The following NEK9 variants were observed in gnomAD, a reference collection of about 807,000 sequenced individuals.
NEK9 encodes the protein NIMA related kinase 9, also known as serine/threonine-protein kinase Nek9.
In NEK9, 75 loss-of-function variants were observed where a neutral mutation model predicts 123.4. The ratio of observed to expected loss-of-function variants is 0.61; its 90% CI spans 0.50 to 0.74. The LOEUF (loss-of-function observed/expected upper bound fraction) is 0.74. Among genes scored for constraint, NEK9 ranks in the 30% least tolerant of loss-of-function variants. The pLI, the probability that NEK9 is intolerant of heterozygous loss-of-function variation, is 0.00. For synonymous variants in NEK9, 438 were observed against 458.7 expected, an observed-to-expected ratio of 0.95 and a Z score of 0.58; for missense variants, 952 against 1,214.4, an observed-to-expected ratio of 0.78 and a Z score of 3.21.
intron 19 of NEK9, 151 bp downstream of exon 19, chr14:75,091,119 C>T: frequency 1.8e-6 from 1 of 565,442 alleles, no homozygotes. Flanking sequence ...AGTGATTAGG[C>T]AATTTCTTTC....
intron 15 of NEK9, 22 bp downstream of exon 15, chr14:75,101,635 A>G (rs1413676776): frequency 6.6e-6 from 10 of 1,526,354 alleles, no homozygotes; most frequent in Non-Finnish European, 8.2e-6. Flanking sequence ...AAGGCATGTG[A>G]TACAGTTGTA....
At position 75,121,135 on chromosome 14, in the gene NEK9, T is replaced by C. The variant is rs750326574; in HGVS notation, c.437A>G (p.Lys146Arg). The C allele has an allele frequency of 9.9e-6, 16 of 1,613,184 alleles. No homozygotes were observed. Among genetic ancestry groups the C allele is most frequent in the African/African-American group, 1.3e-5 (1 of 75,050 alleles). The change falls in exon 3 of 22, where the codon AAG becomes AGG. Residue 146 changes from lysine (K) to arginine (R), a missense_variant. Lys to Arg is a conservative substitution (Grantham distance 26). Coordinates refer to ENST00000238616, the MANE Select transcript of NEK9 (RefSeq NM_033116.6). ...LYDKILRQKD[K>R]LFEEEMVVWY... ...ATGAATTACCTCTTCCTCAAACAAC[T>C]TGTCCTTCTGACGAAGGATTTTGTC... is the stretch of plus-strand genomic sequence containing the variant.
chr14:75,098,549 C>G (rs1894464025), intron 16 of NEK9, among the ~76,000 whole-genome samples: 1 of 152,102 alleles, frequency 6.6e-6, no homozygotes, highest in Non-Finnish European at 1.5e-5. Context: ...GACAAGTGAG[C>G]CTTGGGGTAC....
intron 18 of NEK9, 139 bp from the exon 19 acceptor site, chr14:75,091,617 G>T: frequency 8.0e-6 from 5 of 623,280 alleles, no homozygotes; most frequent in South Asian, 4.1e-5. Flanking sequence ...CAAATGTTAG[G>T]GACTAAATTT....
At position 75,106,716 on chromosome 14, in the gene NEK9, GAA is replaced by G. The variant is rs776448844; in HGVS notation, c.1328-16_1328-15del. ...GCTGACCCTCATCTGCAAAAGAAAG[GAA>G]AACAGAATCCATCAAAGGACTGACT... On this transcript the variant is annotated splice_polypyrimidine_tract_variant and intron_variant, in intron 11 of 21. Transcript: ENST00000238616. 6.2e-6 allele frequency: 10 copies of G among 1,600,538 alleles called. No individual in the cohort carries two copies. Among genetic ancestry groups the G allele is most frequent in the Non-Finnish European group, 8.5e-6 (10 of 1,171,360 alleles).
At chr14:75,120,398 G>A (rs1895286165) in intron 4 of NEK9, 112 bp downstream of exon 4, 1 of 649,006 alleles carries the variant, frequency 1.5e-6, no homozygotes, top group East Asian at 2.8e-5. Flanking sequence ...GATATCAATG[G>A]AAAAACTCTT....
rs1895551286 is a variant in NEK9 at position 75,126,835 on chromosome 14, A to G, written c.87T>C (p.Ser29=). ...GSESGGCGDS[S]PGPSASQGPR... ...GCCCCTGACTGGCGCTAGGCCCCGG[A>G]CTCGAGTCCCCGCAACCCCCGGACT... The change falls in exon 1 of 22, where the codon AGT becomes AGC. Residue 29 remains serine (S), a synonymous_variant. Transcript: ENST00000238616. 6.5e-7 allele frequency: 1 copy of G among 1,533,372 alleles called. No homozygotes were observed. Among genetic ancestry groups the G allele is most frequent in the Non-Finnish European group, 8.8e-7 (1 of 1,140,512 alleles). The allele number at this position is 1,533,372 out of a possible 1,614,324, so 95.0% of individuals were successfully genotyped here. A position where few individuals can be genotyped will look rare whatever the true frequency, so the allele number is the denominator to read the frequency against.
intron 10 of NEK9, 150 bp from the exon 11 acceptor site, chr14:75,107,637 G>C: frequency 1.0e-5 from 6 of 578,562 alleles, no homozygotes; most frequent in Non-Finnish European, 1.7e-5. Flanking sequence ...CCAAAGTGCT[G>C]GGATTGTAGA....
intron 19 of NEK9, among the ~76,000 whole-genome samples, chr14:75,090,442 G>C (rs774286167): frequency 1.3e-5 from 2 of 151,964 alleles, no homozygotes; most frequent in African/African-American, 2.4e-5. Flanking sequence ...TAGTCTTGTT[G>C]ACATTCTTTT....
intron 20 of NEK9, 99 bp from the exon 21 acceptor site, chr14:75,087,329 T>A: frequency 3.6e-6 from 3 of 823,396 alleles, no homozygotes; most frequent in Non-Finnish European, 5.8e-6. Flanking sequence ...ACTTTTAAAT[T>A]AACAAGATAA....
chr14:75,098,440 TTGAGGAGCTG>T (rs1412974475), intron 16 of NEK9, among the ~76,000 whole-genome samples: 14 of 152,208 alleles, frequency 9.2e-5, no homozygotes, highest in African/African-American at 3.4e-4. Flanking sequence ...AGACATCAAG[TTGAGGAGCTG>T]TTGAATAAAT....
chr14:75,104,045 T>C (rs1894682520), intron 13 of NEK9, 48 bp from the exon 14 acceptor site: 2 of 1,543,944 alleles, frequency 1.3e-6, no homozygotes, highest in Middle Eastern at 1.7e-4. Flanking sequence ...ATAATTCGTA[T>C]TAGAAAAAAA....
In NEK9 at chr14:75,083,954, C is replaced by A. The variant is rs1158859401; in HGVS notation, c.*610G>T. 6.6e-6 allele frequency: 1 copy of A among 152,598 alleles called. No homozygotes were observed. 9.5% of individuals were successfully genotyped at this position (152,598 alleles called of 1,614,324 possible). ...CCCTCAGAGGAAAAGCAACCTAAGC[C>A]TACCTTTCCTCCTAAAGCATTTAGC... is the stretch of plus-strand genomic sequence containing the variant. On this transcript the variant is annotated 3_prime_UTR_variant, in exon 22 of 22. Transcript: ENST00000238616.
intron 10 of NEK9, 54 bp downstream of exon 10, chr14:75,109,631 C>T: frequency 1.3e-6 from 2 of 1,509,354 alleles, no homozygotes; most frequent in African/African-American, 1.4e-5. Flanking sequence ...CATCGTGGGC[C>T]CAGTAAACAA....
rs1209667074 is a variant in NEK9, at chr14:75,110,012, C to A, written c.990-135G>T. 5 of 917,182 alleles carry A rather than the reference C, an allele frequency of 5.5e-6. No individual in the cohort carries two copies. In the African/African-American group the frequency reaches 8.4e-5, roughly 15 times the overall value. The allele number at this position is 917,182 out of a possible 1,614,324, so 56.8% of individuals were successfully genotyped here. A position where few individuals can be genotyped will look rare whatever the true frequency, so the allele number is the denominator to read the frequency against. ...TATGTTCTTTCTCGACAACTTGTTT[C>A]AATGTGCTCTATCACAGCAGACTTT... On this transcript the variant is annotated intron_variant, in intron 9 of 21. Coordinates refer to ENST00000238616, the MANE Select transcript of NEK9 (RefSeq NM_033116.6).
intron 10 of NEK9, among the ~76,000 whole-genome samples, chr14:75,109,132 T>C (rs1253222989): frequency 6.6e-6 from 1 of 152,154 alleles, no homozygotes; most frequent in Non-Finnish European, 1.5e-5. Flanking sequence ...AGCTGCATTG[T>C]AGGTGAATGA....
chr14:75,120,810 T>C (rs1169095152), intron 3 of NEK9: 6 of 586,522 alleles, frequency 1.0e-5, no homozygotes, highest in Admixed American at 3.0e-5. Context: ...ATATATAGTA[T>C]GGTAAAGCAG....
In NEK9 at chr14:75,091,295, C is replaced by G. The variant is rs1031525593; in HGVS notation, c.2417G>C (p.Ser806Thr). Residue 806 changes from serine (S) to threonine (T), a missense_variant, in exon 19 of 22, where the codon AGC becomes ACC. This residue lies in a region of NEK9 where 698 missense variants were observed against 875.6 expected (regional missense o/e 0.80). Transcript: ENST00000238616. ...EAMGNSNGAS[S>T]SCPGWLRKEL... The stretch of plus-strand genomic sequence containing the variant: ...CTTTCGAAGCCAGCCAGGACAGGAG[C>G]TGCTGGCCCCATTACTGTTCCCCAT... 6 of 1,612,832 alleles carry G rather than the reference C, an allele frequency of 3.7e-6. No individual in the cohort carries two copies. The highest frequency in any genetic ancestry group is 5.1e-6 in the Non-Finnish European group (6 of 1,179,546).
intron 18 of NEK9, among the ~76,000 whole-genome samples, chr14:75,094,711 C>T (rs1278709326): frequency 1.3e-5 from 2 of 152,068 alleles, no homozygotes; most frequent in Non-Finnish European, 2.9e-5. Context: ...ACCTGGGAGG[C>T]AGAGGATGCA....
Sources: gnomAD v4.1 joint callset for allele counts (sites outside exome capture counted in the v4.1 genomes callset) on GRCh38, gnomAD v4.1.1 for gene constraint, gnomAD v4.1.1 regional missense constraint, MANE v1.5 for transcripts, NCBI Gene and HGNC (gene_info 2026-07-23, HGNC 2026-07-21) for gene names.